TCERG1L: variants seen among roughly 807,000 people sequenced by gnomAD.
TCERG1L encodes transcription elongation regulator 1 like.
Under a neutral mutation model 56.3 loss-of-function variants are expected in TCERG1L, and 37 were observed. The observed-to-expected ratio is 0.66, with a 90% CI of 0.51 to 0.87. The LOEUF (loss-of-function observed/expected upper bound fraction) is 0.87. Among genes scored for constraint, TCERG1L ranks in the 40% least tolerant of loss-of-function variants. The pLI is 0.00. For synonymous variants in TCERG1L, 324 were observed against 326.3 expected (o/e 0.99, Z 0.08); for missense variants, 799 against 774.2 (o/e 1.03, Z -0.38).
At chr10:131,288,326 A>G (rs1318016224) in intron 3 of TCERG1L, among the ~76,000 whole-genome samples, 2 of 152,190 alleles carry the variant, frequency 1.3e-5, no homozygotes, top group Non-Finnish European at 2.9e-5. Context: ...AACCAACCCC[A>G]CAGTTTAATC....
Position 131,202,434 on chromosome 10 carries a change from G to A in TCERG1L, c.857-35549C>T, listed in dbSNP as rs985795323. On this transcript the variant is annotated intron_variant, in intron 4 of 11. Coordinates refer to ENST00000368642, the MANE Select transcript of TCERG1L (RefSeq NM_174937.4). Reference sequence around the variant, plus strand: ...CCATTACCACTAAAAATACAAAAATGAGCCAGGCGTGGTGGCGAGTGCCTG... The same window carrying A: ...CCATTACCACTAAAAATACAAAAATAAGCCAGGCGTGGTGGCGAGTGCCTG... Among the ~76,000 whole-genome samples the A allele has an allele frequency of 4.6e-5, 7 of 152,192 alleles. No individual in the cohort carries two copies. The East Asian group carries it at 1.4e-3, about 30-fold the overall frequency.
intron 7 of TCERG1L, 37 bp downstream of exon 7, chr10:131,146,469 C>T: frequency 2.6e-6 from 4 of 1,568,256 alleles, no homozygotes; most frequent in Non-Finnish European, 3.5e-6. Context: ...AGCTTAAACA[C>T]TTCAAAGGAG....
At chr10:131,308,041 G>A (rs1397554189) in intron 3 of TCERG1L, among the ~76,000 whole-genome samples, 170 bp downstream of exon 3, 1 of 152,178 alleles carries the variant, frequency 6.6e-6, no homozygotes, top group African/African-American at 2.4e-5. Flanking sequence ...TAGTGGATAA[G>A]CTATCCAAGA....
At position 131,208,388 on chromosome 10, in the gene TCERG1L, C is replaced by T. The variant is rs188169598; in HGVS notation, c.857-41503G>A. Among the ~76,000 whole-genome samples the T allele has an allele frequency of 1.6e-3, 242 of 152,296 alleles. No homozygotes were observed. The Middle Eastern group carries it at 0.02, about 13-fold the overall frequency. Reference sequence around the variant, plus strand: ...CCTTAACATGGCTGCTCCTCAGCTCCGAGCCCACAGAGCTCGACAGAGATG... The same window carrying T: ...CCTTAACATGGCTGCTCCTCAGCTCTGAGCCCACAGAGCTCGACAGAGATG... On this transcript the variant is annotated intron_variant, in intron 4 of 11. Transcript: ENST00000368642.
At chr10:131,116,433 C>T (rs1452312497) in intron 9 of TCERG1L, among the ~76,000 whole-genome samples, 1 of 152,130 alleles carries the variant, frequency 6.6e-6, no homozygotes, top group Admixed American at 6.5e-5. Context: ...CCGGTGGACC[C>T]CACCTGCCGG....
intron 4 of TCERG1L, among the ~76,000 whole-genome samples, chr10:131,175,773 C>A (rs749778481): frequency 2.0e-5 from 3 of 152,114 alleles, no homozygotes; most frequent in Non-Finnish European, 2.9e-5. Context: ...TTTACCCCAA[C>A]CTTGGACCAA....
At chr10:131,101,023 GT>G (rs1845299600) in intron 10 of TCERG1L, among the ~76,000 whole-genome samples, 1 of 152,258 alleles carries the variant, frequency 6.6e-6, no homozygotes, top group Admixed American at 6.5e-5. Context: ...CAGGCCCACA[GT>G]TTCCTCTGGG....
intron 4 of TCERG1L, among the ~76,000 whole-genome samples, chr10:131,235,385 C>T (rs746490778): frequency 3.3e-5 from 5 of 152,168 alleles, no homozygotes; most frequent in Non-Finnish European, 5.9e-5. Context: ...GCTAGAAAAC[C>T]ACAGGGCAGC....
intron 4 of TCERG1L, among the ~76,000 whole-genome samples, chr10:131,188,074 TG>T (rs2133459568): frequency 6.6e-6 from 1 of 152,356 alleles, no homozygotes; most frequent in Admixed American, 6.5e-5. Context: ...CGGGCAGGGC[TG>T]GGCCCTTTCC....
chr10:131,137,911 G>A (rs1039612597), intron 7 of TCERG1L, among the ~76,000 whole-genome samples: 7 of 152,186 alleles, frequency 4.6e-5, no homozygotes, highest in Admixed American at 3.9e-4. Flanking sequence ...AGGGGGATTA[G>A]AAGTAAGTAT....
chr10:131,268,071 C>A (rs1775269608), intron 3 of TCERG1L, among the ~76,000 whole-genome samples: 2 of 152,140 alleles, frequency 1.3e-5, no homozygotes, highest in African/African-American at 2.4e-5. Flanking sequence ...GGGAGGGATT[C>A]CCAGTCCCCT....
At chr10:131,253,273 C>T (rs1482886447) in intron 4 of TCERG1L, among the ~76,000 whole-genome samples, 1 of 152,140 alleles carries the variant, frequency 6.6e-6, no homozygotes, top group Non-Finnish European at 1.5e-5. Flanking sequence ...TGCAGAAGAA[C>T]GACATCCTGG....
chr10:131,130,405 C>T (rs534957115), intron 8 of TCERG1L, among the ~76,000 whole-genome samples: 1 of 152,254 alleles, frequency 6.6e-6, no homozygotes, highest in African/African-American at 2.4e-5. Context: ...GATTACAATT[C>T]CAGATGAGGG....
intron 9 of TCERG1L, among the ~76,000 whole-genome samples, chr10:131,108,617 C>A (rs1201227706): frequency 1.3e-5 from 2 of 152,208 alleles, no homozygotes; most frequent in Non-Finnish European, 2.9e-5. Flanking sequence ...TCTATCGCTG[C>A]ATAAGCAACG....
In TCERG1L at chr10:131,134,379, C is replaced by T. The variant is rs1021608895; in HGVS notation, c.1259G>A (p.Arg420Gln). Residue 420 changes from arginine to glutamine, a missense_variant and splice_region_variant, in exon 8 of 12, where the codon CGG (arginine) becomes CAG (glutamine). By Grantham distance (43) the Arg-to-Gln change is conservative. Coordinates refer to ENST00000368642, the MANE Select transcript of TCERG1L (RefSeq NM_174937.4). ...GCTGGGGAAGAGCACGGCCACCTAC[C>T]GGTTCCTCTTGGTTTTCACATCTTG... ...EDQDVKTKRN[R>Q]TEGCGSPKPE... 18 of 1,586,410 alleles carry T rather than the reference C, an allele frequency of 1.1e-5. No homozygotes were observed. Among genetic ancestry groups the T allele is most frequent in the Non-Finnish European group, 1.5e-5 (18 of 1,165,592 alleles).
chr10:131,128,011 A>G (rs946946284), intron 8 of TCERG1L, among the ~76,000 whole-genome samples: 16 of 152,238 alleles, frequency 1.1e-4, no homozygotes, highest in Non-Finnish European at 2.2e-4. Flanking sequence ...AAGAAGCTAA[A>G]TAGTAAAAGA....
At chr10:131,258,870 T>C (rs1846203720) in intron 4 of TCERG1L, among the ~76,000 whole-genome samples, 1 of 152,224 alleles carries the variant, frequency 6.6e-6, no homozygotes, top group African/African-American at 2.4e-5. Context: ...GGTACACAGC[T>C]TTTGGTTCTA....
chr10:131,228,218 T>C (rs1845814978), intron 4 of TCERG1L, among the ~76,000 whole-genome samples: 1 of 138,000 alleles, frequency 7.2e-6, no homozygotes, highest in Non-Finnish European at 1.6e-5. Context: ...AGACAGGCAT[T>C]TCCTCAAGGC....
intron 6 of TCERG1L, among the ~76,000 whole-genome samples, chr10:131,147,828 C>T (rs1288895618): frequency 6.6e-6 from 1 of 152,264 alleles, no homozygotes; most frequent in Non-Finnish European, 1.5e-5. Flanking sequence ...TCACGCCTCA[C>T]TCCCGCCAGC....
Sources: allele counts gnomAD v4.1 joint callset (sites outside exome capture counted in the v4.1 genomes callset), GRCh38; gene constraint gnomAD v4.1.1; transcripts MANE v1.5; gene names NCBI Gene and HGNC (gene_info 2026-07-23, HGNC 2026-07-21).